The following CNIH3 variants were observed in gnomAD, a reference collection of about 807,000 sequenced individuals.
CNIH3 encodes cornichon family AMPA receptor auxiliary protein 3, also known as protein cornichon homolog 3.
A neutral mutation model predicts 24.1 loss-of-function variants in CNIH3; 14 were observed. The ratio of observed to expected loss-of-function variants is 0.58; its 90% CI spans 0.38 to 0.91. CNIH3 has a LOEUF of 0.91. Among genes scored for constraint, CNIH3 ranks in the 40% least tolerant of loss-of-function variants. CNIH3 has a pLI of 0.00. For synonymous variants in CNIH3, 68 were observed against 73.8 expected (o/e 0.92, Z 0.40); for missense variants, 178 against 196.8 (o/e 0.90, Z 0.57).
intron 3 of CNIH3, among the ~76,000 whole-genome samples, chr1:224,685,428 G>A (rs529779315): frequency 6.6e-6 from 1 of 152,330 alleles, no homozygotes; most frequent in South Asian, 2.1e-4. Flanking sequence ...GGCACACACA[G>A]TTCAAACTTG....
rs572643702 is a variant in CNIH3, at chr1:224,616,996, G to A, written c.-179G>A. 1.8e-5 allele frequency: 26 copies of A among 1,409,030 alleles called. No homozygotes were observed. In the East Asian group the frequency reaches 5.4e-4, roughly 29 times the overall value. The allele number at this position is 1,409,030 out of a possible 1,614,324, so 87.3% of individuals were successfully genotyped here. Reference sequence around the variant, plus strand: ...CGGGTCTGGGGTCGCCGGAGCCTGCGGGAATCCAGCGCTTATTCGCTGACC... The same window carrying A: ...CGGGTCTGGGGTCGCCGGAGCCTGCAGGAATCCAGCGCTTATTCGCTGACC... On this transcript the variant is annotated 5_prime_UTR_variant, in exon 1 of 6. Coordinates refer to ENST00000272133, the MANE Select transcript of CNIH3 (RefSeq NM_152495.2).
chr1:224,446,066 A>G (rs6426127), intron 1 of CNIH3, among the ~76,000 whole-genome samples: 148,132 of 152,258 alleles, frequency 0.97, 72,164 homozygotes, highest in East Asian at 1. Context: ...ATGTGTGGGT[A>G]TGTTTCTAAA....
At chr1:224,690,565 G>A (rs926474252) in intron 3 of CNIH3, among the ~76,000 whole-genome samples, 1 of 152,348 alleles carries the variant, frequency 6.6e-6, no homozygotes, top group South Asian at 2.1e-4. Flanking sequence ...GCTGCCCAAT[G>A]TTGGGGACAT....
Position 224,714,949 on chromosome 1 carries a change from A to G in CNIH3, c.199-15513A>G, listed in dbSNP as rs115370023. Among the ~76,000 whole-genome samples the G allele has an allele frequency of 7.1e-4, 108 of 152,332 alleles. No homozygotes were observed. The Middle Eastern group carries it at 0.01, about 14-fold the overall frequency. On this transcript the variant is annotated intron_variant, in intron 3 of 5. Transcript: ENST00000272133. ...GACTAATCCAGATTTCACCTTACGT[A>G]GTAAGGAACAGGATCAATATTTCTG... is the stretch of plus-strand genomic sequence containing the variant.
chr1:224,655,281 C>T (rs1685045803), intron 1 of CNIH3, among the ~76,000 whole-genome samples: 1 of 152,086 alleles, frequency 6.6e-6, no homozygotes, highest in African/African-American at 2.4e-5. Context: ...CTAATAAGAT[C>T]CTTGTGTCTT....
At chr1:224,499,069 A>T (rs1267319486) in intron 1 of CNIH3, among the ~76,000 whole-genome samples, 1 of 152,234 alleles carries the variant, frequency 6.6e-6, no homozygotes, top group Non-Finnish European at 1.5e-5. Context: ...TAGATCAGTG[A>T]TTCACAAACT....
chr1:224,724,196 A>T (rs964417856), intron 3 of CNIH3, among the ~76,000 whole-genome samples: 8 of 152,276 alleles, frequency 5.3e-5, no homozygotes, highest in Admixed American at 4.6e-4. Flanking sequence ...AAAACATTTA[A>T]TATGCCAGCA....
In CNIH3 at chr1:224,684,622, A is replaced by T. The variant is rs1212949051; in HGVS notation, c.151-174A>T. ...GACCATGACAAGGTACAGGGAAGAA[A>T]GTCAGAAACTCTGTTAGAAAAAGCC... On this transcript the variant is annotated intron_variant, in intron 2 of 5. Coordinates refer to ENST00000272133, the MANE Select transcript of CNIH3 (RefSeq NM_152495.2). This position sits in a 1 kb window ranked among gnomAD's most constrained non-coding sequence, Gnocchi z 4.2. 6.6e-6 allele frequency among the ~76,000 whole-genome samples: 1 copy of T among 152,184 alleles called. No homozygotes were observed. Among genetic ancestry groups the T allele is most frequent in the Non-Finnish European group, 1.5e-5 (1 of 68,032 alleles).
chr1:224,528,174 GGATT>G (rs371094569), intron 2 of CNIH3, among the ~76,000 whole-genome samples: 41 of 152,270 alleles, frequency 2.7e-4, no homozygotes, highest in African/African-American at 9.4e-4. Flanking sequence ...TGAGGTGTAA[GGATT>G]GATTGAGCCT....
chr1:224,577,119 A>C (rs1314131059), intron 4 of CNIH3, among the ~76,000 whole-genome samples: 1 of 152,214 alleles, frequency 6.6e-6, no homozygotes, highest in African/African-American at 2.4e-5. Context: ...TCTATATGAC[A>C]ATATTGGAAA....
chr1:224,543,437 C>G (rs1679588425), intron 2 of CNIH3, among the ~76,000 whole-genome samples: 1 of 152,114 alleles, frequency 6.6e-6, no homozygotes, highest in Non-Finnish European at 1.5e-5. Context: ...CCTGAGGGGG[C>G]CATGAAAATC....
intron 1 of CNIH3, among the ~76,000 whole-genome samples, chr1:224,456,647 G>A (rs946476655): frequency 2.0e-5 from 3 of 152,206 alleles, no homozygotes; most frequent in Admixed American, 1.3e-4. Flanking sequence ...CTGGCCTCAT[G>A]AGATCCTCCC....
intron 1 of CNIH3, among the ~76,000 whole-genome samples, chr1:224,657,557 A>G (rs1685156835): frequency 1.3e-5 from 2 of 152,228 alleles, no homozygotes; most frequent in Admixed American, 6.5e-5. Context: ...GCAATATTTC[A>G]AATAAAAGAC....
rs376582840 is a variant in CNIH3 at position 224,435,553 on chromosome 1, C to T, written n.203+691C>T. On this transcript the variant is annotated intron_variant and non_coding_transcript_variant, in intron 1 of 5. Transcript: ENST00000471578. ...TAGCACTTGCCCAGCACCTCCTTCT[C>T]TCTTCCAGCTGCCTCTTGAGTCACT... Among the ~76,000 whole-genome samples, 19 of 152,322 alleles carry T rather than the reference C, an allele frequency of 1.2e-4. No individual in the cohort carries two copies. In the East Asian group the frequency reaches 3.5e-3, roughly 28 times the overall value.
At chr1:224,691,036 T>C (rs1686906796) in intron 3 of CNIH3, among the ~76,000 whole-genome samples, 1 of 152,166 alleles carries the variant, frequency 6.6e-6, no homozygotes, top group Non-Finnish European at 1.5e-5. Flanking sequence ...AAAGCAGGGG[T>C]TGGAAGAGAT....
chr1:224,581,456 C>T (rs1382822811), intron 4 of CNIH3, among the ~76,000 whole-genome samples: 5 of 152,144 alleles, frequency 3.3e-5, no homozygotes, highest in Non-Finnish European at 7.4e-5. Flanking sequence ...CAGGTTTCTA[C>T]TATGTCTTGA....
At chr1:224,569,236 T>C (rs1680714903) in intron 4 of CNIH3, among the ~76,000 whole-genome samples, 1 of 152,226 alleles carries the variant, frequency 6.6e-6, no homozygotes, top group South Asian at 2.1e-4. Flanking sequence ...TTGTTTAGTT[T>C]TGAATGTTGT....
In CNIH3 at chr1:224,617,278, T is replaced by C. The variant is rs757789377; in HGVS notation, c.81+23T>C. The C allele has an allele frequency of 2.5e-6, 4 of 1,608,292 alleles. No homozygotes were observed. The African/African-American group carries it at 5.4e-5, about 22-fold the overall frequency. On this transcript the variant is annotated intron_variant, in intron 1 of 5. Transcript: ENST00000272133. ...CACGTGAGTAACACGCTTTGGTCTC[T>C]CTTCTTTCGCCCCAATTTCGCTAAA... is the stretch of plus-strand genomic sequence containing the variant.
intron 2 of CNIH3, chr1:224,529,410 G>T (rs2124928266): frequency 6.6e-6 from 1 of 152,308 alleles, no homozygotes; most frequent in South Asian, 2.1e-4. Flanking sequence ...TACAAGAGAA[G>T]AAACATTCAG....
Sources: gnomAD v4.1 joint callset for allele counts (sites outside exome capture counted in the v4.1 genomes callset) on GRCh38, gnomAD v4.1.1 for gene constraint, Gnocchi (gnomAD v3.1) non-coding constraint, MANE v1.5 for transcripts, NCBI Gene and HGNC (gene_info 2026-07-23, HGNC 2026-07-21) for gene names.